FRAS1: variants seen among roughly 807,000 people sequenced by gnomAD.
The protein encoded by FRAS1 is Fraser extracellular matrix complex subunit 1, also known as extracellular matrix organizing protein FRAS1.
A neutral mutation model predicts 435.2 loss-of-function variants in FRAS1; 290 were observed. The ratio of observed to expected loss-of-function variants is 0.67; its 90% CI spans 0.61 to 0.73. The LOEUF (loss-of-function observed/expected upper bound fraction) is 0.73, where lower values mean the gene tolerates loss of function less well. Among genes scored for constraint, FRAS1 ranks in the 30% least tolerant of loss-of-function variants. FRAS1 has a pLI of 0.00. For synonymous variants in FRAS1, 1,800 were observed against 1,851.0 expected (o/e 0.97, Z 0.71); for missense variants, 4,860 against 5,001.5 (o/e 0.97, Z 0.85).
chr4:78,250,990 A>G (rs1372592439), intron 4 of FRAS1, among the ~76,000 whole-genome samples: 4 of 152,108 alleles, frequency 2.6e-5, no homozygotes, highest in Non-Finnish European at 2.9e-5. Context: ...ATAATCTGCA[A>G]TTTTTAAGAT....
intron 2 of FRAS1, among the ~76,000 whole-genome samples, chr4:78,091,185 C>T (rs1741496009): frequency 6.6e-6 from 1 of 151,962 alleles, no homozygotes; most frequent in African/African-American, 2.4e-5. Context: ...TGTCTTCACC[C>T]CCACCATCTA....
intron 47 of FRAS1, among the ~76,000 whole-genome samples, chr4:78,462,146 G>T (rs1719387018): frequency 6.6e-6 from 1 of 152,164 alleles, no homozygotes; most frequent in African/African-American, 2.4e-5. Flanking sequence ...GAGGCAGGCG[G>T]ATCACCTGAG....
At chr4:78,170,408 G>A (rs1275162191) in intron 2 of FRAS1, among the ~76,000 whole-genome samples, 1 of 152,048 alleles carries the variant, frequency 6.6e-6, no homozygotes, top group African/African-American at 2.4e-5. Context: ...TAATTTACTT[G>A]TCACTTCATT....
chr4:78,410,854 T>C lies in FRAS1; in HGVS notation c.4309-2115T>C, dbSNP rs79423097. Reference sequence around the variant, plus strand: ...AATATGAAACAACTCTCTGGGATTATGTTCTCCTGATGTAAAAGTTTTGGC... The same window carrying C: ...AATATGAAACAACTCTCTGGGATTACGTTCTCCTGATGTAAAAGTTTTGGC... On this transcript the variant is annotated intron_variant, in intron 31 of 73. Transcript: ENST00000512123. Among the ~76,000 whole-genome samples the C allele has an allele frequency of 3.5e-3, 529 of 152,326 alleles. 4 individuals carry two copies. The highest frequency in any genetic ancestry group is 0.012 in the African/African-American group (495 of 41,574).
intron 26 of FRAS1, among the ~76,000 whole-genome samples, chr4:78,377,469 A>C (rs916210810): frequency 1.3e-5 from 2 of 152,186 alleles, no homozygotes; most frequent in African/African-American, 4.8e-5. Flanking sequence ...TGTCTGACCT[A>C]GTTGTAAAAA....
chr4:78,225,770 A>G (rs1724243347), intron 2 of FRAS1, among the ~76,000 whole-genome samples: 1 of 152,178 alleles, frequency 6.6e-6, no homozygotes, highest in Admixed American at 6.5e-5. Context: ...AAATACACAT[A>G]TTGGGATTTA....
intron 2 of FRAS1, among the ~76,000 whole-genome samples, chr4:78,104,250 C>T (rs887257561): frequency 2.6e-5 from 4 of 152,154 alleles, no homozygotes; most frequent in Admixed American, 2.0e-4. Context: ...ACCAAGTTAC[C>T]GCCAGATTCA....
Position 78,450,311 on chromosome 4 carries a change from A to G in FRAS1, c.6435A>G (p.Arg2145=). The G allele has an allele frequency of 1.9e-6, 3 of 1,613,854 alleles. No individual in the cohort carries two copies. Among genetic ancestry groups the G allele is most frequent in the Non-Finnish European group, 2.5e-6 (3 of 1,179,804 alleles). The change falls in exon 45 of 74, where the codon CGA becomes CGG. Residue 2145 remains arginine (R), a synonymous_variant. Coordinates refer to ENST00000512123, the MANE Select transcript of FRAS1 (RefSeq NM_025074.7). ...LEQISIKGPI[R]SFTQADISQG... is the part of the protein sequence containing the mutation. ...AAATTTCTATTAAAGGCCCCATCCG[A>G]AGTTTCACCCAGGCAGACATTAGCC...
chr4:78,362,212 A>G (rs1309366415), intron 20 of FRAS1, among the ~76,000 whole-genome samples: 1 of 152,178 alleles, frequency 6.6e-6, no homozygotes, highest in Non-Finnish European at 1.5e-5. Context: ...TTAAAGACCA[A>G]AATTTTCCAG....
At chr4:78,525,163 C>T (rs114898466) in intron 69 of FRAS1, among the ~76,000 whole-genome samples, 1,526 of 152,284 alleles carry the variant, frequency 0.01, 22 homozygotes, top group African/African-American at 0.035. Flanking sequence ...CTGGCTTCTA[C>T]TCTGTAGTGC....
intron 15 of FRAS1, among the ~76,000 whole-genome samples, chr4:78,308,889 G>A (rs1480700418): frequency 2.6e-5 from 4 of 152,198 alleles, no homozygotes; most frequent in African/African-American, 9.6e-5. Context: ...ACAATAATGG[G>A]CTCCCAATGA....
At chr4:78,230,209 T>C (rs1724461822) in intron 2 of FRAS1, among the ~76,000 whole-genome samples, 1 of 152,138 alleles carries the variant, frequency 6.6e-6, no homozygotes, top group Non-Finnish European at 1.5e-5. Context: ...ACTGCTTAGG[T>C]TTTTGATGTG....
intron 6 of FRAS1, among the ~76,000 whole-genome samples, chr4:78,258,623 CT>C (rs71216203): frequency 6.8e-5 from 9 of 131,830 alleles, no homozygotes; most frequent in African/African-American, 1.7e-4. Flanking sequence ...TGTTTCTTTT[CT>C]TTTTTTTTTT....
At chr4:78,264,013 A>G (rs1726235568) in intron 6 of FRAS1, among the ~76,000 whole-genome samples, 2 of 152,200 alleles carry the variant, frequency 1.3e-5, no homozygotes, top group South Asian at 4.1e-4. Flanking sequence ...CAATGACAAT[A>G]AAATTGTGTT....
intron 27 of FRAS1, among the ~76,000 whole-genome samples, chr4:78,380,652 G>T (rs998181187): frequency 5.3e-5 from 8 of 152,200 alleles, no homozygotes. Context: ...GCCCCCCAAA[G>T]ATTAGCCTCT....
intron 70 of FRAS1, among the ~76,000 whole-genome samples, chr4:78,528,824 A>C (rs979595700): frequency 6.6e-6 from 1 of 152,198 alleles, no homozygotes; most frequent in Non-Finnish European, 1.5e-5. Context: ...ACTTTTTAAG[A>C]AACTGCCAAA....
At chr4:78,173,625 T>C (rs1432370042) in intron 2 of FRAS1, among the ~76,000 whole-genome samples, 1 of 152,236 alleles carries the variant, frequency 6.6e-6, no homozygotes, top group Non-Finnish European at 1.5e-5. Flanking sequence ...TCCAGTTATT[T>C]CATACAGGTA....
At chr4:78,401,028 A>G (rs1424101931) in intron 30 of FRAS1, 141 bp downstream of exon 30, 6 of 712,408 alleles carry the variant, frequency 8.4e-6, no homozygotes, top group Non-Finnish European at 1.4e-5. Context: ...TAAAAACAGA[A>G]TAATCATGAT....
chr4:78,321,058 G>A (rs914163652), intron 18 of FRAS1, among the ~76,000 whole-genome samples: 2 of 152,148 alleles, frequency 1.3e-5, no homozygotes, highest in African/African-American at 2.4e-5. Flanking sequence ...TGGGGAATTC[G>A]GAGTGGGTTC....
Sources: gnomAD v4.1 joint callset for allele counts (sites outside exome capture counted in the v4.1 genomes callset) on GRCh38, gnomAD v4.1.1 for gene constraint, MANE v1.5 for transcripts, NCBI Gene and HGNC (gene_info 2026-07-23, HGNC 2026-07-21) for gene names.